Variants in HPSE2 observed in about 807,000 individuals in gnomAD.
HPSE2 encodes the protein inactive heparanase-2.
In HPSE2, 38 loss-of-function variants were observed where a neutral mutation model predicts 60.5. The observed-to-expected ratio is 0.63, with a 90% confidence interval of 0.48 to 0.82. HPSE2 has a LOEUF of 0.82. Among genes scored for constraint, HPSE2 ranks in the 40% least tolerant of loss-of-function variants. The pLI is 0.00. For missense variants in HPSE2, 713 were observed against 740.4 expected (o/e 0.96, Z 0.43); for synonymous variants, 295 against 293.2 (o/e 1.01, Z -0.06).
At chr10:98,973,021 T>G (rs1359570574) in intron 3 of HPSE2, among the ~76,000 whole-genome samples, 2 of 152,176 alleles carry the variant, frequency 1.3e-5, no homozygotes, top group African/African-American at 4.8e-5. Context: ...GTAACACTAT[T>G]ATGTTGAACT....
intron 3 of HPSE2, among the ~76,000 whole-genome samples, chr10:98,794,489 C>T (rs942398844): frequency 1.6e-4 from 25 of 152,308 alleles, no homozygotes; most frequent in African/African-American, 6.0e-4. Context: ...AAGTGACCCA[C>T]CTGCCTTGGC....
At chr10:98,924,868 G>T (rs1954400853) in intron 3 of HPSE2, among the ~76,000 whole-genome samples, 1 of 152,196 alleles carries the variant, frequency 6.6e-6, no homozygotes, top group Non-Finnish European at 1.5e-5. Flanking sequence ...AAGTGGTGAG[G>T]TTTGCACAGA....
At chr10:99,073,505 C>T (rs561322286) in intron 3 of HPSE2, among the ~76,000 whole-genome samples, 1 of 152,154 alleles carries the variant, frequency 6.6e-6, no homozygotes, top group African/African-American at 2.4e-5. Context: ...GAGCATTAGG[C>T]AACATAGCTA....
At chr10:99,151,990 G>A (rs1317167996) in intron 2 of HPSE2, among the ~76,000 whole-genome samples, 1 of 151,828 alleles carries the variant, frequency 6.6e-6, no homozygotes, top group Non-Finnish European at 1.5e-5. Context: ...ATTCAAAAAT[G>A]CAGGCAAAAT....
chr10:99,216,082 A>G (rs991897213), intron 2 of HPSE2, among the ~76,000 whole-genome samples: 2 of 152,106 alleles, frequency 1.3e-5, no homozygotes, highest in Non-Finnish European at 2.9e-5. Context: ...TTTGTCATGC[A>G]TGTAATTGAT....
At chr10:98,499,767 C>G (rs1233673091) in intron 9 of HPSE2, among the ~76,000 whole-genome samples, 1 of 152,196 alleles carries the variant, frequency 6.6e-6, no homozygotes. Flanking sequence ...CAACTATCTG[C>G]TGCCTTCAAG....
chr10:98,850,190 T>C (rs893009555), intron 3 of HPSE2, among the ~76,000 whole-genome samples: 1 of 152,164 alleles, frequency 6.6e-6, no homozygotes, highest in African/African-American at 2.4e-5. Flanking sequence ...TAGAGAAGTT[T>C]TCTGATTAAA....
chr10:98,866,706 A>G (rs894852450), intron 3 of HPSE2, among the ~76,000 whole-genome samples: 10 of 152,114 alleles, frequency 6.6e-5, no homozygotes. Context: ...GGAGCAACAT[A>G]TTTAAAGTAC....
intron 6 of HPSE2, among the ~76,000 whole-genome samples, chr10:98,646,243 T>C (rs1199619122): frequency 1.3e-5 from 2 of 152,080 alleles, no homozygotes; most frequent in Non-Finnish European, 2.9e-5. Flanking sequence ...ATGAAGGAGA[T>C]GGAGTAGTCT....
rs558143582 is a variant in HPSE2 at position 98,899,680 on chromosome 10, T to C, written c.611-155624A>G. 1.6e-4 allele frequency among the ~76,000 whole-genome samples: 24 copies of C among 150,824 alleles called. No individual in the cohort carries two copies. In the South Asian group the frequency reaches 2.3e-3, roughly 15 times the overall value. ...ACAATAGCAAGTTTTGGTGAGGAGG[T>C]AGAGGAATGAAAATTCTTAGACATT... On this transcript the variant is annotated intron_variant, in intron 3 of 11. Transcript: ENST00000370552.
intron 3 of HPSE2, among the ~76,000 whole-genome samples, chr10:98,896,815 A>C (rs1160834464): frequency 6.6e-6 from 1 of 152,206 alleles, no homozygotes; most frequent in Non-Finnish European, 1.5e-5. Context: ...ATGGAATGCT[A>C]GATAAAACTC....
intron 6 of HPSE2, among the ~76,000 whole-genome samples, chr10:98,661,568 T>C (rs1364696847): frequency 2.6e-5 from 4 of 152,236 alleles, no homozygotes; most frequent in Admixed American, 2.6e-4. Context: ...TATAATATTC[T>C]ATGCACATTG....
Position 98,905,487 on chromosome 10 carries a change from G to A in HPSE2, c.611-161431C>T, listed in dbSNP as rs183241094. Among the ~76,000 whole-genome samples, 125 of 152,108 alleles carry A rather than the reference G, an allele frequency of 8.2e-4. 1 individual carries two copies. Among genetic ancestry groups the A allele is most frequent in the Non-Finnish European group, 1.2e-3 (79 of 67,988 alleles). ...GGTGGGGGGAACAAACTAAACTTAG[G>A]AAAAGGGAGACATTTTATTTAGTAA... is the stretch of plus-strand genomic sequence containing the variant. On this transcript the variant is annotated intron_variant, in intron 3 of 11. Transcript: ENST00000370552.
intron 3 of HPSE2, among the ~76,000 whole-genome samples, chr10:98,764,110 T>C (rs1193228223): frequency 6.6e-6 from 1 of 152,172 alleles, no homozygotes; most frequent in Non-Finnish European, 1.5e-5. Context: ...CTTCAGATAA[T>C]GTTATAATTT....
chr10:98,541,648 G>A (rs560887478), intron 9 of HPSE2, among the ~76,000 whole-genome samples: 57 of 148,334 alleles, frequency 3.8e-4, no homozygotes, highest in Middle Eastern at 3.4e-3. Flanking sequence ...CTTAGGAAAC[G>A]GCACACCAGG....
intron 4 of HPSE2, among the ~76,000 whole-genome samples, chr10:98,727,122 A>G (rs1949105436): frequency 1.3e-5 from 2 of 152,184 alleles, no homozygotes; most frequent in Non-Finnish European, 2.9e-5. Context: ...CAGTAGCTAC[A>G]CGACTCAAGG....
At chr10:98,707,493 T>C (rs542612614) in intron 5 of HPSE2, among the ~76,000 whole-genome samples, 6 of 152,134 alleles carry the variant, frequency 3.9e-5, no homozygotes, top group Non-Finnish European at 8.8e-5. Context: ...GAGAATTAAG[T>C]CCTCATATAA....
intron 9 of HPSE2, among the ~76,000 whole-genome samples, chr10:98,529,576 T>C (rs1475940192): frequency 6.6e-6 from 1 of 152,206 alleles, no homozygotes; most frequent in Non-Finnish European, 1.5e-5. Context: ...GATGTTTCTC[T>C]AGTTTCTTTA....
chr10:99,168,917 G>A (rs994134134), intron 2 of HPSE2, among the ~76,000 whole-genome samples: 4 of 152,148 alleles, frequency 2.6e-5, no homozygotes, highest in African/African-American at 7.2e-5. Flanking sequence ...TGACCTGGCC[G>A]GGCATGGTGG....
Sources: allele counts gnomAD v4.1 joint callset (sites outside exome capture counted in the v4.1 genomes callset), GRCh38; gene constraint gnomAD v4.1.1; transcripts MANE v1.5; gene names NCBI Gene and HGNC (gene_info 2026-07-23, HGNC 2026-07-21).